The following FAM169A variants were observed in gnomAD, a reference collection of about 807,000 sequenced individuals.
The protein encoded by FAM169A is soluble lamin-associated protein of 75 kDa.
In FAM169A, 24 loss-of-function variants were observed where a neutral mutation model predicts 75.7. That is an observed-to-expected ratio of 0.32 (90% CI 0.23 to 0.45). FAM169A has a LOEUF of 0.45. FAM169A is among the 20% of genes least tolerant of loss of function. The probability of loss-of-function intolerance (pLI) is 1.00; values close to 1 mark genes in which losing one functional copy is unlikely to be tolerated. For synonymous variants in FAM169A, 271 were observed against 271.0 expected (o/e 1.00, Z 0.00); for missense variants, 673 against 784.0 (o/e 0.86, Z 1.69).
intron 6 of FAM169A, among the ~76,000 whole-genome samples, chr5:74,810,335 G>T (rs935758720): frequency 1.1e-4 from 16 of 152,110 alleles, no homozygotes; most frequent in African/African-American, 3.9e-4. Context: ...CGGGGGACTG[G>T]TGCACAAAGG....
At chr5:74,804,010 T>C (rs180733690) in intron 8 of FAM169A, among the ~76,000 whole-genome samples, 1 of 152,220 alleles carries the variant, frequency 6.6e-6, no homozygotes. Flanking sequence ...AAATAGATAA[T>C]AGAATAGTGT....
intron 12 of FAM169A, 58 bp downstream of exon 12, chr5:74,782,872 CT>C (rs1745480622): frequency 1.5e-6 from 2 of 1,307,464 alleles, no homozygotes; most frequent in South Asian, 2.6e-5. Flanking sequence ...ATGCACCCTC[CT>C]CGCTAATGTC....
intron 6 of FAM169A, 84 bp from the exon 7 acceptor site, chr5:74,805,368 TCA>T: frequency 7.6e-7 from 1 of 1,316,224 alleles, no homozygotes; most frequent in Non-Finnish European, 1.1e-6. Flanking sequence ...GCTTCCCAAC[TCA>T]CTTAACGGGG....
chr5:74,848,380 G>A (rs1184999818), intron 1 of FAM169A, among the ~76,000 whole-genome samples: 1 of 152,028 alleles, frequency 6.6e-6, no homozygotes, highest in Non-Finnish European at 1.5e-5. Flanking sequence ...CCACTAGTAA[G>A]ACTAGAGAAA....
chr5:74,844,420 C>T (rs1011039579), intron 1 of FAM169A, among the ~76,000 whole-genome samples: 1 of 151,612 alleles, frequency 6.6e-6, no homozygotes, highest in Non-Finnish European at 1.5e-5. Context: ...TATGATCGTG[C>T]CAGCCTGGGT....
At chr5:74,823,650 C>T (rs531834732) in intron 5 of FAM169A, among the ~76,000 whole-genome samples, 5 of 152,256 alleles carry the variant, frequency 3.3e-5, no homozygotes, top group Non-Finnish European at 5.9e-5. Context: ...AAACAGAACC[C>T]TTATTGGCAA....
At chr5:74,817,024 T>C (rs998547471) in intron 5 of FAM169A, among the ~76,000 whole-genome samples, 7 of 152,174 alleles carry the variant, frequency 4.6e-5, no homozygotes, top group African/African-American at 1.7e-4. Context: ...AAACCCAACC[T>C]TTCATGATAA....
chr5:74,820,915 C>A (rs1422113550), intron 5 of FAM169A, among the ~76,000 whole-genome samples: 1 of 152,192 alleles, frequency 6.6e-6, no homozygotes, highest in African/African-American at 2.4e-5. Flanking sequence ...ACTGCTCTTA[C>A]TATTTCTGAA....
chr5:74,817,777 T>A (rs1747546386), intron 5 of FAM169A, among the ~76,000 whole-genome samples: 1 of 152,090 alleles, frequency 6.6e-6, no homozygotes, highest in East Asian at 1.9e-4. Context: ...GCTAGAGTAA[T>A]CAGGACAGTA....
chr5:74,863,133 A>C (rs1175245551), intron 1 of FAM169A, among the ~76,000 whole-genome samples: 1 of 152,182 alleles, frequency 6.6e-6, no homozygotes, highest in Non-Finnish European at 1.5e-5. Context: ...GAGCATGTAA[A>C]CGTTAAGGTA....
chr5:74,804,481 C>G lies in FAM169A; in HGVS notation c.912+12G>C. 7.0e-7 allele frequency: 1 copy of G among 1,419,398 alleles called. No individual in the cohort carries two copies. Among genetic ancestry groups the G allele is most frequent in the South Asian group, 1.3e-5 (1 of 78,616 alleles). 87.9% of individuals were successfully genotyped at this position (1,419,398 alleles called of 1,614,324 possible). On this transcript the variant is annotated intron_variant, in intron 8 of 12. Transcript: ENST00000687041. ...TTATATACAACAATAAACATATAGACAGTGTACCTACAGTTAGCTGCATCT... is the reference window on the plus strand; with the variant it reads ...TTATATACAACAATAAACATATAGAGAGTGTACCTACAGTTAGCTGCATCT...
At chr5:74,815,932 A>G (rs1259416943) in intron 5 of FAM169A, among the ~76,000 whole-genome samples, 1 of 152,238 alleles carries the variant, frequency 6.6e-6, no homozygotes, top group Non-Finnish European at 1.5e-5. Context: ...TCATCAAGAA[A>G]TAATCATAAA....
chr5:74,843,148 T>C (rs895016642), intron 1 of FAM169A, among the ~76,000 whole-genome samples: 10 of 151,868 alleles, frequency 6.6e-5, no homozygotes, highest in Admixed American at 5.9e-4. Context: ...AAAATCAAAA[T>C]AGGCTTAAAT....
chr5:74,833,545 T>G (rs998017304), intron 5 of FAM169A, among the ~76,000 whole-genome samples: 3 of 152,210 alleles, frequency 2.0e-5, no homozygotes, highest in Non-Finnish European at 4.4e-5. Flanking sequence ...ATCACAAATG[T>G]GTACTAATTA....
chr5:74,782,081 T>C, intron 12 of FAM169A, 73 bp from the exon 13 acceptor site: 1 of 1,156,974 alleles, frequency 8.6e-7, no homozygotes. Context: ...GGCTCTAATA[T>C]GCAGTGACAC....
chr5:74,834,272 G>A (rs1748461060), intron 5 of FAM169A, among the ~76,000 whole-genome samples, 154 bp downstream of exon 5: 1 of 152,080 alleles, frequency 6.6e-6, no homozygotes, highest in Admixed American at 6.5e-5. Context: ...CACTGTCATA[G>A]GATGGTAGAA....
intron 1 of FAM169A, among the ~76,000 whole-genome samples, chr5:74,858,157 G>A (rs1413433780): frequency 2.0e-5 from 3 of 151,850 alleles, no homozygotes; most frequent in Non-Finnish European, 4.4e-5. Flanking sequence ...GGAGGCCAAG[G>A]CAGGCAGGTC....
At chr5:74,833,101 A>G (rs1323784501) in intron 5 of FAM169A, among the ~76,000 whole-genome samples, 1 of 152,140 alleles carries the variant, frequency 6.6e-6, no homozygotes, top group Non-Finnish European at 1.5e-5. Context: ...TGTGTCTTTC[A>G]TAGAAAGAAG....
chr5:74,793,674 C>G (rs1349341698), intron 11 of FAM169A, among the ~76,000 whole-genome samples: 1 of 152,054 alleles, frequency 6.6e-6, no homozygotes, highest in Non-Finnish European at 1.5e-5. Flanking sequence ...ATCCATGTAA[C>G]CAAACACCCA....
Sources: allele counts gnomAD v4.1 joint callset (sites outside exome capture counted in the v4.1 genomes callset), GRCh38; gene constraint gnomAD v4.1.1; transcripts MANE v1.5; gene names NCBI Gene and HGNC (gene_info 2026-07-23, HGNC 2026-07-21).